Variants in CAMTA1 observed in about 807,000 individuals in gnomAD.
The protein encoded by CAMTA1 is calmodulin-binding transcription activator 1.
Under a neutral mutation model 170.9 loss-of-function variants are expected in CAMTA1, and 27 were observed. The observed-to-expected ratio is 0.16, with a 90% CI of 0.12 to 0.22. The LOEUF (loss-of-function observed/expected upper bound fraction) is 0.22, where lower values mean the gene tolerates loss of function less well. Among genes scored for constraint, CAMTA1 ranks in the 10% least tolerant of loss-of-function variants. CAMTA1 has a pLI of 1.00. For synonymous variants in CAMTA1, 833 were observed against 891.5 expected (o/e 0.93, Z 1.17); for missense variants, 1,619 against 2,217.2 (o/e 0.73, Z 5.42).
chr1:7,319,920 A>G (rs1357258477), intron 5 of CAMTA1, among the ~76,000 whole-genome samples: 1 of 152,142 alleles, frequency 6.6e-6, no homozygotes, highest in Non-Finnish European at 1.5e-5. Flanking sequence ...GCCAATACGG[A>G]GAAATGCAAT....
intron 6 of CAMTA1, among the ~76,000 whole-genome samples, chr1:7,571,672 C>CT (rs59337919): frequency 0.036 from 5,458 of 152,208 alleles, 306 homozygotes; most frequent in African/African-American, 0.12. Flanking sequence ...TGATCTTGCT[C>CT]TTTTTTTATG....
chr1:6,956,016 G>A (rs940907500), intron 3 of CAMTA1, among the ~76,000 whole-genome samples: 3 of 152,108 alleles, frequency 2.0e-5, no homozygotes, highest in Non-Finnish European at 4.4e-5. Context: ...AGTATCTTCC[G>A]CTCGAGCAGG....
intron 11 of CAMTA1, chr1:7,694,756 C>T (rs2096356688): frequency 6.6e-6 from 1 of 152,498 alleles, no homozygotes; most frequent in African/African-American, 2.4e-5. Flanking sequence ...AGCCCTAGCA[C>T]CACTGTCCCC....
At chr1:6,973,708 G>A (rs1019538254) in intron 3 of CAMTA1, among the ~76,000 whole-genome samples, 3 of 152,292 alleles carry the variant, frequency 2.0e-5, no homozygotes, top group Admixed American at 1.3e-4. Flanking sequence ...AACCTCTTTG[G>A]TTTTGTCATC....
At chr1:7,447,668 C>T (rs1160711932) in intron 5 of CAMTA1, among the ~76,000 whole-genome samples, 6 of 152,246 alleles carry the variant, frequency 3.9e-5, no homozygotes, top group Middle Eastern at 3.4e-3. Flanking sequence ...GCCAGTGCCA[C>T]GGGCCTCCCA....
At position 7,580,794 on chromosome 1, in the gene CAMTA1, A is replaced by G. The variant is rs781203761; in HGVS notation, c.511-59606A>G. The stretch of plus-strand genomic sequence containing the variant: ...GGAGGGTTTGGTTATCTCCTCCCCA[A>G]CCAAGATCTCCTCCAACCCGTGCCC... On this transcript the variant is annotated intron_variant, in intron 6 of 22. Transcript: ENST00000303635. The surrounding 1 kb of genome is among the most constrained non-coding windows in gnomAD (Gnocchi z 4.3). Among the ~76,000 whole-genome samples, 1 of 151,936 alleles carries G rather than the reference A, an allele frequency of 6.6e-6. No individual in the cohort carries two copies. The highest frequency in any genetic ancestry group is 1.5e-5 in the Non-Finnish European group (1 of 67,960).
intron 6 of CAMTA1, among the ~76,000 whole-genome samples, chr1:7,507,335 C>T (rs1391015056): frequency 2.0e-5 from 3 of 152,192 alleles, no homozygotes; most frequent in Non-Finnish European, 4.4e-5. Context: ...TCCCTGCCTC[C>T]TGGCTGCTCT....
intron 6 of CAMTA1, among the ~76,000 whole-genome samples, chr1:7,602,720 C>T (rs1402144672): frequency 2.7e-5 from 4 of 150,294 alleles, no homozygotes; most frequent in Admixed American, 6.6e-5. Flanking sequence ...TTTGCTCTTG[C>T]TTTTCTAGTT....
In CAMTA1 at chr1:7,067,418, A is replaced by ATTCTTCTTC. The variant is rs55735334; in HGVS notation, c.235-23875_235-23867dup. Reference sequence around the variant, plus strand: ...AACCAATTAGGTTCTTACTTGCTGAATTCTTCTTCTTCTTCTTCTGCTTCT... The same window carrying ATTCTTCTTC: ...AACCAATTAGGTTCTTACTTGCTGAATTCTTCTTCTTCTTCTTCTTCTTCTTCTGCTTCT... On this transcript the variant is annotated intron_variant, in intron 3 of 22. Coordinates refer to ENST00000303635, the MANE Select transcript of CAMTA1 (RefSeq NM_015215.4). This position sits in a 1 kb window ranked among gnomAD's most constrained non-coding sequence, Gnocchi z 4.3. 2.0e-5 allele frequency among the ~76,000 whole-genome samples: 3 copies of ATTCTTCTTC among 151,426 alleles called. No individual in the cohort carries two copies. The highest frequency in any genetic ancestry group is 4.4e-5 in the Non-Finnish European group (3 of 67,876).
At chr1:7,700,896 G>A (rs2096432183) in intron 11 of CAMTA1, 2 of 152,222 alleles carry the variant, frequency 1.3e-5, no homozygotes, top group South Asian at 4.1e-4. Context: ...AATGAAATCA[G>A]TTGATGTGGA....
intron 5 of CAMTA1, among the ~76,000 whole-genome samples, chr1:7,273,048 G>T (rs944203167): frequency 6.6e-6 from 1 of 152,158 alleles, no homozygotes; most frequent in African/African-American, 2.4e-5. Context: ...ACCACAACAA[G>T]ATACCACTTC....
At chr1:7,252,300 T>C (rs1666755171) in intron 5 of CAMTA1, among the ~76,000 whole-genome samples, 1 of 152,236 alleles carries the variant, frequency 6.6e-6, no homozygotes, top group African/African-American at 2.4e-5. Context: ...TATTTGAATT[T>C]GAGTTTGTCT....
rs70987364 is a variant in CAMTA1, at chr1:7,688,011, C to CTTTTTTTTTTTTTTTTTTTTT, written c.2914+10295_2914+10296insTTTTTTTTTTTTTTTTTTTTT. ...CGATTACGTCGGACTCTCATTATTC[C>CTTTTTTTTTTTTTTTTTTTTT]TTTTTTTTTTTTTTTTTGGCAGAGT... is the stretch of plus-strand genomic sequence containing the variant. On this transcript the variant is annotated intron_variant, in intron 11 of 22. Coordinates refer to ENST00000303635, the MANE Select transcript of CAMTA1 (RefSeq NM_015215.4). Among the ~76,000 whole-genome samples, 29 of 103,278 alleles carry CTTTTTTTTTTTTTTTTTTTTT rather than the reference C, an allele frequency of 2.8e-4. 3 individuals carry two copies. Among genetic ancestry groups the CTTTTTTTTTTTTTTTTTTTTT allele is most frequent in the Non-Finnish European group, 3.8e-4 (20 of 52,248 alleles). The allele number at this position is 103,278 out of a possible 152,430, so 67.8% of individuals were successfully genotyped here. A position where few individuals can be genotyped will look rare whatever the true frequency, so the allele number is the denominator to read the frequency against.
rs138531967 is a variant in CAMTA1 at position 7,650,380 on chromosome 1, C to T, written c.664+9827C>T. On this transcript the variant is annotated intron_variant, in intron 7 of 22. Transcript: ENST00000303635. ...GGGGTAAAGGACATGCCACCCCACA[C>T]GCTCTGTATTTCCTGATGATGGAGT... Among the ~76,000 whole-genome samples the T allele has an allele frequency of 3.9e-5, 6 of 152,336 alleles. No homozygotes were observed. The East Asian group carries it at 7.7e-4, about 20-fold the overall frequency.
At chr1:6,877,368 C>G (rs962632637) in intron 3 of CAMTA1, among the ~76,000 whole-genome samples, 1 of 152,128 alleles carries the variant, frequency 6.6e-6, no homozygotes, top group Non-Finnish European at 1.5e-5. Context: ...GTGTTTAACC[C>G]TGCTTGAGGC....
At chr1:7,181,624 A>G (rs1652179407) in intron 4 of CAMTA1, among the ~76,000 whole-genome samples, 1 of 152,210 alleles carries the variant, frequency 6.6e-6, no homozygotes, top group South Asian at 2.1e-4. Flanking sequence ...CGCAATAGCA[A>G]CAAAGAAGAT....
chr1:7,199,201 G>A (rs1656169283), intron 4 of CAMTA1, among the ~76,000 whole-genome samples: 1 of 152,184 alleles, frequency 6.6e-6, no homozygotes. Context: ...CCTGGGACTC[G>A]GATTGGAGCC....
At chr1:7,524,011 G>A (rs2094400679) in intron 6 of CAMTA1, among the ~76,000 whole-genome samples, 1 of 152,050 alleles carries the variant, frequency 6.6e-6, no homozygotes, top group South Asian at 2.1e-4. Flanking sequence ...GACCAGCCTG[G>A]CCAATATGGT....
At chr1:7,704,904 CGGCGGCGCGG>C (rs1322434926) in intron 11 of CAMTA1, among the ~76,000 whole-genome samples, 18 of 136,716 alleles carry the variant, frequency 1.3e-4, no homozygotes, top group African/African-American at 4.8e-4. Flanking sequence ...GGTAGGTGCG[CGGCGGCGCGG>C]GGCTAGGCGG....
Sources: gnomAD v4.1 joint callset for allele counts (sites outside exome capture counted in the v4.1 genomes callset) on GRCh38, gnomAD v4.1.1 for gene constraint, Gnocchi (gnomAD v3.1) non-coding constraint, MANE v1.5 for transcripts, NCBI Gene and HGNC (gene_info 2026-07-23, HGNC 2026-07-21) for gene names.